Variants in PBX1 observed in about 807,000 individuals in gnomAD.
PBX1 encodes the protein pre-B-cell leukemia transcription factor 1.
A neutral mutation model predicts 53.4 loss-of-function variants in PBX1; 6 were observed. The observed-to-expected ratio is 0.11, with a 90% CI of 0.06 to 0.22. The LOEUF (loss-of-function observed/expected upper bound fraction) is 0.22. Ranked by LOEUF, PBX1 falls within the 10% of genes least tolerant of loss-of-function variation. The pLI is 1.00. For missense variants in PBX1, 251 were observed against 551.4 expected (o/e 0.46, Z 5.46); for synonymous variants, 204 against 212.3 (o/e 0.96, Z 0.34).
At chr1:164,712,711 C>G (rs74117996) in intron 2 of PBX1, among the ~76,000 whole-genome samples, 12 of 152,120 alleles carry the variant, frequency 7.9e-5, no homozygotes, top group Non-Finnish European at 1.6e-4. Context: ...AGGGAAAACA[C>G]GTGCAGGTCT....
At chr1:164,656,323 C>G (rs574423784) in intron 2 of PBX1, among the ~76,000 whole-genome samples, 6 of 152,282 alleles carry the variant, frequency 3.9e-5, no homozygotes, top group African/African-American at 1.4e-4. Flanking sequence ...TTAATATAAT[C>G]AGCTCTTTTT....
chr1:164,684,888 A>T (rs1222907102), intron 2 of PBX1: 1 of 152,220 alleles, frequency 6.6e-6, no homozygotes, highest in Non-Finnish European at 1.5e-5. Flanking sequence ...GAAAGTAAAT[A>T]AACCTTATAT....
chr1:164,637,418 C>A (rs998302018), intron 2 of PBX1, among the ~76,000 whole-genome samples: 2 of 152,160 alleles, frequency 1.3e-5, no homozygotes, highest in East Asian at 1.9e-4. Context: ...GCTGGTCGGA[C>A]GGTGGCTGAG....
chr1:164,863,798 G>A (rs1176985156), intron 2 of PBX1, among the ~76,000 whole-genome samples: 3 of 152,182 alleles, frequency 2.0e-5, no homozygotes, highest in African/African-American at 7.2e-5. Flanking sequence ...TGGTCCCCAA[G>A]GAAGATGAGG....
At chr1:164,679,515 A>G (rs960600762) in intron 2 of PBX1, among the ~76,000 whole-genome samples, 2 of 152,188 alleles carry the variant, frequency 1.3e-5, no homozygotes, top group African/African-American at 4.8e-5. Context: ...TTTTGCTGCA[A>G]GTAGGCAGAC....
chr1:164,769,278 A>G (rs1049480135), intron 2 of PBX1: 1 of 152,216 alleles, frequency 6.6e-6, no homozygotes, highest in Non-Finnish European at 1.5e-5. Flanking sequence ...CTTGGGGTAC[A>G]TTTTCTTTCC....
chr1:164,649,443 C>T (rs1250120685), intron 2 of PBX1, among the ~76,000 whole-genome samples: 13 of 152,106 alleles, frequency 8.5e-5, no homozygotes, highest in Non-Finnish European at 1.8e-4. Context: ...AACCCAGGAC[C>T]TGTTTGACAA....
At chr1:164,794,163 C>T (rs182789558) in intron 3 of PBX1, among the ~76,000 whole-genome samples, 137 of 152,182 alleles carry the variant, frequency 9.0e-4, no homozygotes, top group Non-Finnish European at 7.4e-5. Context: ...GCGTGAGCCA[C>T]CACACCTGGC....
intron 2 of PBX1, among the ~76,000 whole-genome samples, chr1:164,766,731 TTTA>T (rs1313650434): frequency 1.7e-5 from 2 of 120,786 alleles, no homozygotes; most frequent in Non-Finnish European, 1.8e-5. Context: ...TATTTATTTA[TTTA>T]TTTATTTTTT....
chr1:164,844,678 C>T (rs1671479621), intron 8 of PBX1, among the ~76,000 whole-genome samples: 1 of 152,076 alleles, frequency 6.6e-6, no homozygotes, highest in South Asian at 2.1e-4. Context: ...ACGTGGCCGC[C>T]ATTCTTAGTC....
chr1:164,848,876 G>C lies in PBX1; in HGVS notation c.*2200G>C. On this transcript the variant is annotated 3_prime_UTR_variant, in exon 9 of 9. Transcript: ENST00000420696. ...GGGGATGCCACTGAAGAAACTCAAG[G>C]GAATGTGTATTTGAAGGAAATGCAA... The C allele has an allele frequency of 9.4e-7, 1 of 1,066,668 alleles. No homozygotes were observed. Among genetic ancestry groups the C allele is most frequent in the Non-Finnish European group, 1.1e-6 (1 of 880,290 alleles). The allele number at this position is 1,066,668 out of a possible 1,614,324, so 66.1% of individuals were successfully genotyped here.
chr1:164,695,191 G>T (rs1439306052), intron 2 of PBX1, among the ~76,000 whole-genome samples: 1 of 152,080 alleles, frequency 6.6e-6, no homozygotes, highest in African/African-American at 2.4e-5. Context: ...TGTCACTTTC[G>T]CTCACTTGAA....
intron 3 of PBX1, among the ~76,000 whole-genome samples, chr1:164,792,960 T>TA (rs1668594098): frequency 6.6e-6 from 1 of 152,094 alleles, no homozygotes; most frequent in South Asian, 2.1e-4. Flanking sequence ...GTAAAGGCAT[T>TA]AAAAAATGTG....
At chr1:164,589,668 C>A (rs913817482) in intron 2 of PBX1, among the ~76,000 whole-genome samples, 2 of 152,124 alleles carry the variant, frequency 1.3e-5, no homozygotes, top group Non-Finnish European at 2.9e-5. Flanking sequence ...CTTCTCCATC[C>A]CTGCGAGGTA....
intron 1 of PBX1, among the ~76,000 whole-genome samples, chr1:164,560,906 A>G (rs888313311): frequency 5.3e-5 from 8 of 152,176 alleles, no homozygotes; most frequent in Non-Finnish European, 8.8e-5. Context: ...TTTCAGTACT[A>G]TAGGACATGA....
chr1:164,699,165 AGAG>A (rs1264506794), intron 2 of PBX1, among the ~76,000 whole-genome samples: 1 of 152,238 alleles, frequency 6.6e-6, no homozygotes, highest in Non-Finnish European at 1.5e-5. Context: ...TGGGTCACAA[AGAG>A]GAGGCCAAAT....
chr1:164,681,835 TA>T (rs66530444), intron 2 of PBX1, among the ~76,000 whole-genome samples: 27,468 of 151,644 alleles, frequency 0.18, 2,733 homozygotes, highest in East Asian at 0.3. Flanking sequence ...AAACAAAAGT[TA>T]AAAAAAAATT....
At chr1:164,627,361 G>T (rs192717962) in intron 2 of PBX1, among the ~76,000 whole-genome samples, 1 of 152,080 alleles carries the variant, frequency 6.6e-6, no homozygotes, top group Non-Finnish European at 1.5e-5. Flanking sequence ...ATGCTCTATT[G>T]ATTTTTGAGT....
chr1:164,735,245 G>A (rs574364986), intron 2 of PBX1, among the ~76,000 whole-genome samples: 3 of 152,176 alleles, frequency 2.0e-5, no homozygotes, highest in South Asian at 4.2e-4. Context: ...GCTTAGAAAG[G>A]GCCAAAATAA....
Sources: allele counts gnomAD v4.1 joint callset (sites outside exome capture counted in the v4.1 genomes callset), GRCh38; gene constraint gnomAD v4.1.1; transcripts MANE v1.5; gene names NCBI Gene and HGNC (gene_info 2026-07-23, HGNC 2026-07-21).